The following TMEM182 variants were observed in gnomAD, a reference collection of about 807,000 sequenced individuals.
TMEM182 encodes transmembrane protein 182.
Under a neutral mutation model 26.8 loss-of-function variants are expected in TMEM182, and 20 were observed. The observed-to-expected ratio is 0.75, with a 90% CI of 0.53 to 1.09. The LOEUF is 1.09. Among genes scored for constraint, TMEM182 ranks in the 50% least tolerant of loss-of-function variants. The probability of loss-of-function intolerance (pLI) is 0.00; values close to 1 mark genes in which losing one functional copy is unlikely to be tolerated. For synonymous variants in TMEM182, 109 were observed against 102.2 expected (o/e 1.07, Z -0.40); for missense variants, 277 against 275.5 (o/e 1.01, Z -0.04).
intron 3 of TMEM182, among the ~76,000 whole-genome samples, chr2:102,764,822 G>T (rs2540294): frequency 0.42 from 62,625 of 150,570 alleles, 13,085 homozygotes; most frequent in South Asian, 0.45. Flanking sequence ...GAATATCACA[G>T]ATAAATATAT....
intron 3 of TMEM182, among the ~76,000 whole-genome samples, chr2:102,842,216 CAAATGCAG>C (rs1323292876): frequency 6.6e-6 from 1 of 152,156 alleles, no homozygotes; most frequent in Non-Finnish European, 1.5e-5. Context: ...TGCTAGAACT[CAAATGCAG>C]AATTATTATC....
intron 1 of TMEM182, among the ~76,000 whole-genome samples, chr2:102,741,555 T>C (rs1433196265): frequency 2.6e-5 from 4 of 152,150 alleles, no homozygotes; most frequent in African/African-American, 7.2e-5. Flanking sequence ...AAAGGGAAAC[T>C]TGGTAACTCG....
chr2:102,836,708 G>A (rs1683253580), intron 3 of TMEM182, among the ~76,000 whole-genome samples: 1 of 152,156 alleles, frequency 6.6e-6, no homozygotes, highest in South Asian at 2.1e-4. Context: ...GGAGGGCCTT[G>A]ATTCTAGATC....
downstream of TMEM182, among the ~76,000 whole-genome samples, chr2:102,818,457 G>C (rs780593309): frequency 8.5e-5 from 13 of 152,150 alleles, no homozygotes; most frequent in Non-Finnish European, 1.8e-4. Context: ...TTACAGATTA[G>C]ACTTTCTGAA....
At position 102,762,166 on chromosome 2, in the gene TMEM182, T is replaced by C; in HGVS notation, c.-52T>C. On this transcript the variant is annotated 5_prime_UTR_variant, in exon 1 of 5. Transcript: ENST00000412401. Reference sequence around the variant, plus strand: ...TGTTGTTTCTGAGAAACTAGGTGTCTTACCATTTTAAAATTTCATATTTTA... The same window carrying C: ...TGTTGTTTCTGAGAAACTAGGTGTCCTACCATTTTAAAATTTCATATTTTA... The C allele has an allele frequency of 1.1e-5, 16 of 1,452,268 alleles. No homozygotes were observed. The highest frequency in any genetic ancestry group is 1.5e-5 in the Non-Finnish European group (16 of 1,056,182). The allele number at this position is 1,452,268 out of a possible 1,614,324, so 90.0% of individuals were successfully genotyped here. A position where few individuals can be genotyped will look rare whatever the true frequency, so the allele number is the denominator to read the frequency against.
rs530523894 is a variant in TMEM182, at chr2:102,785,526, A to C, written c.332-12337A>C. ...CTCTCCTAGCCTAGCACAGTAGCTG[A>C]TACAAGGTAGATTTTCAATCGGTGC... is the stretch of plus-strand genomic sequence containing the variant. On this transcript the variant is annotated intron_variant, in intron 3 of 4. Coordinates refer to ENST00000412401, the MANE Select transcript of TMEM182 (RefSeq NM_144632.5). 5.3e-5 allele frequency among the ~76,000 whole-genome samples: 8 copies of C among 152,332 alleles called. No homozygotes were observed. The East Asian group carries it at 1.4e-3, about 26-fold the overall frequency.
intron 3 of TMEM182, among the ~76,000 whole-genome samples, chr2:102,797,587 A>AT (rs1350814737): frequency 6.6e-6 from 1 of 152,156 alleles, no homozygotes; most frequent in Non-Finnish European, 1.5e-5. Context: ...GAAAATCGTG[A>AT]TGGAAAAAAG....
chr2:102,781,707 G>C (rs1264178399), intron 3 of TMEM182, among the ~76,000 whole-genome samples: 1 of 152,186 alleles, frequency 6.6e-6, no homozygotes, highest in Non-Finnish European at 1.5e-5. Context: ...AAATACTGCT[G>C]AGAAGTAGAG....
downstream of TMEM182, among the ~76,000 whole-genome samples, chr2:102,819,359 T>C (rs866378107): frequency 2.3e-4 from 35 of 152,216 alleles, no homozygotes; most frequent in African/African-American, 7.7e-4. Context: ...GTAAGAAAAT[T>C]TGATGTATTG....
chr2:102,803,920 A>ACGCAGCCC (rs1682248053), intron 4 of TMEM182, among the ~76,000 whole-genome samples: 4 of 151,062 alleles, frequency 2.6e-5, no homozygotes, highest in African/African-American at 9.8e-5. Context: ...CTGCAGGCAC[A>ACGCAGCCC]TGCAGCTCTG....
At chr2:102,792,453 T>C (rs1341970462) in intron 3 of TMEM182, among the ~76,000 whole-genome samples, 2 of 152,184 alleles carry the variant, frequency 1.3e-5, no homozygotes, top group Non-Finnish European at 2.9e-5. Flanking sequence ...AGTTCCCAAA[T>C]GAATGTGCTT....
intron 4 of TMEM182, among the ~76,000 whole-genome samples, chr2:102,803,753 G>A (rs113505791): frequency 6.6e-6 from 1 of 152,230 alleles, no homozygotes; most frequent in African/African-American, 2.4e-5. Context: ...AAAGGAGGAT[G>A]TGGCGGCTGT....
intron 1 of TMEM182, among the ~76,000 whole-genome samples, chr2:102,746,945 A>C (rs1375325191): frequency 6.6e-6 from 1 of 152,194 alleles, no homozygotes; most frequent in Non-Finnish European, 1.5e-5. Flanking sequence ...GTTCTTACTG[A>C]ATTTTAAAAT....
At chr2:102,792,684 A>G (rs1010598690) in intron 3 of TMEM182, among the ~76,000 whole-genome samples, 1 of 152,200 alleles carries the variant, frequency 6.6e-6, no homozygotes, top group African/African-American at 2.4e-5. Flanking sequence ...TTTGAATGTT[A>G]GAAGCATAGG....
chr2:102,826,754 C>G (rs1042159809), intron 3 of TMEM182, among the ~76,000 whole-genome samples: 4 of 152,088 alleles, frequency 2.6e-5, no homozygotes, highest in Non-Finnish European at 5.9e-5. Context: ...TTCTGCATGT[C>G]TAAGATTGCC....
At chr2:102,760,772 G>A (rs556241700), upstream of TMEM182, among the ~76,000 whole-genome samples, 1 of 152,134 alleles carries the variant, frequency 6.6e-6, no homozygotes, top group South Asian at 2.1e-4. Context: ...CCGCCACCAT[G>A]CCCAGCTAAT....
chr2:102,842,184 C>T (rs1217149662), intron 3 of TMEM182, among the ~76,000 whole-genome samples: 5 of 152,250 alleles, frequency 3.3e-5, no homozygotes, highest in African/African-American at 9.6e-5. Flanking sequence ...AATGACTACT[C>T]GCCATCTCTG....
rs1366367729 is a variant in TMEM182, at chr2:102,816,745, A to G, written c.*1777A>G. 4.1e-6 allele frequency: 4 copies of G among 985,728 alleles called. No individual in the cohort carries two copies. Among genetic ancestry groups the G allele is most frequent in the Non-Finnish European group, 4.8e-6 (4 of 829,938 alleles). The allele number at this position is 985,728 out of a possible 1,614,324, so 61.1% of individuals were successfully genotyped here. On this transcript the variant is annotated 3_prime_UTR_variant, in exon 5 of 5. Transcript: ENST00000412401. ...CTGTGATATTAAGTTATGGCATGCC[A>G]TTAAGTTTTCCAGACGATGTTGGAT...
intron 3 of TMEM182, among the ~76,000 whole-genome samples, chr2:102,795,558 A>T (rs566566153): frequency 6.6e-6 from 1 of 152,236 alleles, no homozygotes; most frequent in South Asian, 2.1e-4. Flanking sequence ...TGTGCTGTGC[A>T]CCCTGGGGCG....
Sources: gnomAD v4.1 joint callset for allele counts (sites outside exome capture counted in the v4.1 genomes callset) on GRCh38, gnomAD v4.1.1 for gene constraint, MANE v1.5 for transcripts, NCBI Gene and HGNC (gene_info 2026-07-23, HGNC 2026-07-21) for gene names.